The following PLCL1 variants were observed in gnomAD, a reference collection of about 807,000 sequenced individuals.
PLCL1 encodes the protein inactive phospholipase C-like protein 1.
In PLCL1, 41 loss-of-function variants were observed where a neutral mutation model predicts 84.4. That is an observed-to-expected ratio of 0.49 (90% CI 0.38 to 0.63). PLCL1 has a LOEUF of 0.63. Among genes scored for constraint, PLCL1 ranks in the 30% least tolerant of loss-of-function variants. The pLI, the probability that PLCL1 is intolerant of heterozygous loss-of-function variation, is 0.00. For synonymous variants in PLCL1, 490 were observed against 488.3 expected, an observed-to-expected ratio of 1.00 and a Z score of -0.05; for missense variants, 1,206 against 1,367.8, an observed-to-expected ratio of 0.88 and a Z score of 1.87.
In PLCL1 at chr2:198,084,390, G is replaced by A. The variant is rs1460732987; in HGVS notation, c.873G>A (p.Lys291=). The stretch of plus-strand genomic sequence containing the variant: ...AGTTTAAAGAAATCCAGAAGAGCAA[G>A]GAAAAACTAACCACCCGCGTGACCG... ...RLKFKEIQKS[K]EKLTTRVTEE... The change falls in exon 2 of 6, where the codon AAG becomes AAA. Residue 291 remains lysine, a synonymous_variant. Coordinates refer to ENST00000428675, the MANE Select transcript of PLCL1 (RefSeq NM_006226.4). 1 of 1,614,150 alleles carries A rather than the reference G, an allele frequency of 6.2e-7. No individual in the cohort carries two copies. The highest frequency in any genetic ancestry group is 1.7e-5 in the Admixed American group (1 of 60,024).
intron 5 of PLCL1, among the ~76,000 whole-genome samples, chr2:198,117,031 G>A (rs559700677): frequency 6.6e-6 from 1 of 151,696 alleles, no homozygotes; most frequent in Non-Finnish European, 1.5e-5. Flanking sequence ...GAATATTCTG[G>A]ATCTCCCAGT....
intron 1 of PLCL1, among the ~76,000 whole-genome samples, chr2:197,974,695 A>G (rs1443178896): frequency 6.6e-6 from 1 of 152,212 alleles, no homozygotes; most frequent in African/African-American, 2.4e-5. Flanking sequence ...ACTCTTGTTC[A>G]TTGCTAAGCT....
chr2:198,000,995 A>T (rs1413773973), intron 1 of PLCL1, among the ~76,000 whole-genome samples: 1 of 152,152 alleles, frequency 6.6e-6, no homozygotes, highest in Non-Finnish European at 1.5e-5. Context: ...TAGGCCCAGC[A>T]AGTTTTATTG....
At chr2:198,048,761 C>A (rs187307220) in intron 1 of PLCL1, among the ~76,000 whole-genome samples, 2 of 152,224 alleles carry the variant, frequency 1.3e-5, no homozygotes, top group Non-Finnish European at 2.9e-5. Flanking sequence ...CATTGGAGAT[C>A]ATATTTCAAC....
At chr2:198,043,733 T>G (rs992213425) in intron 1 of PLCL1, among the ~76,000 whole-genome samples, 2 of 151,848 alleles carry the variant, frequency 1.3e-5, no homozygotes, top group African/African-American at 4.8e-5. Flanking sequence ...GAGAACAGGT[T>G]TGGTTGGGGG....
At chr2:197,984,953 T>G (rs1690191165) in intron 1 of PLCL1, among the ~76,000 whole-genome samples, 1 of 151,934 alleles carries the variant, frequency 6.6e-6, no homozygotes, top group Admixed American at 6.6e-5. Context: ...TTTTTTTTTG[T>G]TTGTTGAGAC....
chr2:197,825,812 A>T (rs957336431), intron 1 of PLCL1, among the ~76,000 whole-genome samples: 1 of 152,198 alleles, frequency 6.6e-6, no homozygotes, highest in South Asian at 2.1e-4. Flanking sequence ...CAGTTTCTTC[A>T]TTGGTAAAAT....
At chr2:197,930,960 C>T (rs1450059367) in intron 1 of PLCL1, among the ~76,000 whole-genome samples, 1 of 152,130 alleles carries the variant, frequency 6.6e-6, no homozygotes, top group Non-Finnish European at 1.5e-5. Context: ...ACTCTATGCC[C>T]TATTCTACAT....
intron 1 of PLCL1, among the ~76,000 whole-genome samples, chr2:198,024,930 T>C (rs985871111): frequency 1.3e-5 from 2 of 152,244 alleles, no homozygotes; most frequent in Non-Finnish European, 2.9e-5. Flanking sequence ...AACAGGACCA[T>C]TGAATTTTTG....
At chr2:198,136,370 G>A (rs926209406) in intron 5 of PLCL1, among the ~76,000 whole-genome samples, 1 of 152,064 alleles carries the variant, frequency 6.6e-6, no homozygotes, top group Non-Finnish European at 1.5e-5. Flanking sequence ...CAGTGATCTT[G>A]CCCAAGGTCA....
rs1690311427 is a variant in PLCL1 at position 197,990,151 on chromosome 2, TTAGACC to T, written c.241-93604_241-93599del. ...CAGCAGACCACTTGAGGAAGACACA[TTAGACC>T]TAAACGAGCTCATCAGAGCTATTTT... On this transcript the variant is annotated intron_variant, in intron 1 of 5. Coordinates refer to ENST00000428675, the MANE Select transcript of PLCL1 (RefSeq NM_006226.4). 2.0e-5 allele frequency among the ~76,000 whole-genome samples: 3 copies of T among 152,160 alleles called. No homozygotes were observed. In the South Asian group the frequency reaches 6.2e-4, roughly 31 times the overall value.
chr2:198,127,877 G>A (rs930268343), intron 5 of PLCL1, among the ~76,000 whole-genome samples: 1 of 152,080 alleles, frequency 6.6e-6, no homozygotes, highest in African/African-American at 2.4e-5. Flanking sequence ...TCATTTTCTG[G>A]AGGTAGTCAT....
intron 1 of PLCL1, among the ~76,000 whole-genome samples, chr2:197,989,435 T>C (rs531712773): frequency 2.0e-5 from 3 of 152,248 alleles, no homozygotes; most frequent in East Asian, 3.9e-4. Flanking sequence ...TCTGAGGGGA[T>C]GAGTAGGATT....
chr2:197,949,108 G>A (rs1317509995), intron 1 of PLCL1, among the ~76,000 whole-genome samples: 1 of 152,164 alleles, frequency 6.6e-6, no homozygotes, highest in Non-Finnish European at 1.5e-5. Flanking sequence ...GCTTGGTGCT[G>A]TGTATGATAA....
Position 198,085,431 on chromosome 2 carries a change from C to T in PLCL1, c.1914C>T (p.Phe638=), listed in dbSNP as rs1447518370. 6.2e-7 allele frequency: 1 copy of T among 1,612,980 alleles called. No homozygotes were observed. The highest frequency in any genetic ancestry group is 8.5e-7 in the Non-Finnish European group (1 of 1,179,220). ...ATTTTGTTAATTATAATAAGAAGTT[C>T]TTATCAAGAATCTATCCAAGTGCCA... ...PEDFVNYNKK[F]LSRIYPSAMR... Residue 638 remains phenylalanine, a synonymous_variant, in exon 2 of 6, where the codon TTC becomes TTT. Coordinates refer to ENST00000428675, the MANE Select transcript of PLCL1 (RefSeq NM_006226.4). The surrounding 1 kb of genome is among the most constrained non-coding windows in gnomAD (Gnocchi z 5.3).
At chr2:198,133,981 A>G (rs1363021309) in intron 5 of PLCL1, among the ~76,000 whole-genome samples, 2 of 152,140 alleles carry the variant, frequency 1.3e-5, no homozygotes, top group Non-Finnish European at 2.9e-5. Flanking sequence ...CCTCATTTTC[A>G]TGGTCTGCAC....
chr2:198,145,486 A>G (rs990517747), intron 5 of PLCL1, among the ~76,000 whole-genome samples: 4 of 152,170 alleles, frequency 2.6e-5, no homozygotes, highest in Non-Finnish European at 4.4e-5. Context: ...AATTAACCTC[A>G]TCAGGCTCAG....
intron 3 of PLCL1, among the ~76,000 whole-genome samples, chr2:198,093,247 T>C (rs1487960478): frequency 1.3e-5 from 2 of 152,140 alleles, no homozygotes; most frequent in East Asian, 3.9e-4. Context: ...CAACAACCTA[T>C]AGAATGTACA....
At chr2:198,052,777 C>T (rs1370168429) in intron 1 of PLCL1, among the ~76,000 whole-genome samples, 3 of 152,112 alleles carry the variant, frequency 2.0e-5, no homozygotes, top group African/African-American at 4.8e-5. Flanking sequence ...TGATTCTGGG[C>T]CTTGGACTGG....
Sources: allele counts gnomAD v4.1 joint callset (sites outside exome capture counted in the v4.1 genomes callset), GRCh38; gene constraint gnomAD v4.1.1; non-coding constraint Gnocchi (gnomAD v3.1); transcripts MANE v1.5; gene names NCBI Gene and HGNC (gene_info 2026-07-23, HGNC 2026-07-21).